Variants in PACRG observed in about 807,000 individuals in gnomAD.
PACRG encodes the protein parkin coregulated gene protein.
A neutral mutation model predicts 29.7 loss-of-function variants in PACRG; 29 were observed. That is an observed-to-expected ratio of 0.98 (90% CI 0.73 to 1.33). The LOEUF is 1.33. Among genes scored for constraint, PACRG ranks in the 40% most tolerant of loss-of-function variants. The pLI is 0.00. For missense variants in PACRG, 279 were observed against 316.2 expected (o/e 0.88, Z 0.89); for synonymous variants, 116 against 118.7 (o/e 0.98, Z 0.15).
intron 4 of PACRG, among the ~76,000 whole-genome samples, chr6:163,297,756 C>T (rs1035056489): frequency 2.6e-5 from 4 of 152,276 alleles, no homozygotes; most frequent in South Asian, 2.1e-4. Context: ...TAAACCTGAG[C>T]GCTGCACCCA....
intron 4 of PACRG, among the ~76,000 whole-genome samples, chr6:163,285,621 C>A (rs1784372666): frequency 6.6e-6 from 1 of 152,152 alleles, no homozygotes. Flanking sequence ...ATGGCCCAGC[C>A]CAGAGAGCTG....
intron 4 of PACRG, among the ~76,000 whole-genome samples, chr6:163,106,591 A>G (rs1815394262): frequency 6.6e-6 from 1 of 152,222 alleles, no homozygotes; most frequent in African/African-American, 2.4e-5. Context: ...TAAATGTATA[A>G]CATGAGCAAT....
upstream of PACRG, chr6:162,727,687 G>GGCTGCGGGCCAGGAACAGGCC (rs1405938610): frequency 6.4e-7 from 1 of 1,572,608 alleles, no homozygotes; most frequent in Non-Finnish European, 8.6e-7. Flanking sequence ...GGTAGGTGGC[G>GGCTGCGGGCCAGGAACAGGCC]GCTGCGGGCC....
At chr6:162,727,670 G>C, upstream of PACRG, 1 of 1,582,846 alleles carries the variant, frequency 6.3e-7, no homozygotes, top group South Asian at 1.2e-5. Flanking sequence ...ACCTATCATG[G>C]TCACTGGGTA....
Position 163,118,509 on chromosome 6 carries a change from T to C in PACRG, c.613+29101T>C, listed in dbSNP as rs539054757. On this transcript the variant is annotated intron_variant, in intron 4 of 4. Transcript: ENST00000366888. ...CTGCATGGCTAATGTATTTTATTTA[T>C]AGATCCCCGTTTCTGGGTCCTTTAA... 4.6e-5 allele frequency among the ~76,000 whole-genome samples: 7 copies of C among 152,368 alleles called. No individual in the cohort carries two copies. The East Asian group carries it at 1.3e-3, about 29-fold the overall frequency.
At position 163,130,499 on chromosome 6, in the gene PACRG, G is replaced by A. The variant is rs186753087; in HGVS notation, c.613+41091G>A. Among the ~76,000 whole-genome samples the A allele has an allele frequency of 1.6e-4, 25 of 151,764 alleles. No homozygotes were observed. The East Asian group carries it at 1.9e-3, about 12-fold the overall frequency. On this transcript the variant is annotated intron_variant, in intron 4 of 4. Transcript: ENST00000366888. ...GAATGTGTGTCACCTTTAACTTCAG[G>A]TACATGAACAAGCTCTTAGCCAGTC...
intron 1 of PACRG, among the ~76,000 whole-genome samples, chr6:162,773,429 C>G (rs992584962): frequency 1.4e-5 from 2 of 140,734 alleles, no homozygotes; most frequent in African/African-American, 5.4e-5. Flanking sequence ...TAGATAATTT[C>G]TGGTTAGTAT....
intron 2 of PACRG, among the ~76,000 whole-genome samples, chr6:162,821,084 C>A (rs961841518): frequency 6.6e-6 from 1 of 152,102 alleles, no homozygotes; most frequent in Non-Finnish European, 1.5e-5. Flanking sequence ...TTAGAAATAA[C>A]TTTTATTTAA....
chr6:162,906,416 A>G (rs1390407345), intron 2 of PACRG, among the ~76,000 whole-genome samples: 2 of 152,220 alleles, frequency 1.3e-5, no homozygotes, highest in Non-Finnish European at 2.9e-5. Flanking sequence ...CTTGGTAAAA[A>G]CTAAATAATC....
intron 4 of PACRG, among the ~76,000 whole-genome samples, chr6:163,296,197 C>G (rs2128188574): frequency 6.6e-6 from 1 of 152,148 alleles, no homozygotes; most frequent in Admixed American, 6.5e-5. Flanking sequence ...AATAGTAGAA[C>G]TAATTAAAAA....
chr6:163,119,851 G>C (rs1409640274), intron 4 of PACRG, among the ~76,000 whole-genome samples: 1 of 151,978 alleles, frequency 6.6e-6, no homozygotes, highest in Non-Finnish European at 1.5e-5. Flanking sequence ...TGTTGTTGTT[G>C]GTTTGTTTTA....
At chr6:163,285,839 A>G (rs568617041) in intron 4 of PACRG, among the ~76,000 whole-genome samples, 1 of 152,308 alleles carries the variant, frequency 6.6e-6, no homozygotes, top group African/African-American at 2.4e-5. Flanking sequence ...CAGTAGGTGC[A>G]CCATCCGCCT....
chr6:163,111,208 A>C (rs1815695035), intron 4 of PACRG, among the ~76,000 whole-genome samples: 1 of 152,108 alleles, frequency 6.6e-6, no homozygotes, highest in South Asian at 2.1e-4. Flanking sequence ...CTTCCCTCCC[A>C]CACTGTAGTT....
At chr6:162,797,657 T>A (rs962063460) in intron 1 of PACRG, among the ~76,000 whole-genome samples, 1 of 152,202 alleles carries the variant, frequency 6.6e-6, no homozygotes, top group Non-Finnish European at 1.5e-5. Context: ...TTTGTTTTTT[T>A]CTCATTGTTT....
At chr6:163,011,713 A>G (rs937094033) in intron 2 of PACRG, among the ~76,000 whole-genome samples, 1 of 152,254 alleles carries the variant, frequency 6.6e-6, no homozygotes, top group African/African-American at 2.4e-5. Flanking sequence ...TAGTAAAAAC[A>G]GCTTAAAACA....
At chr6:163,210,200 T>C (rs1781078861) in intron 4 of PACRG, among the ~76,000 whole-genome samples, 1 of 152,232 alleles carries the variant, frequency 6.6e-6, no homozygotes, top group Non-Finnish European at 1.5e-5. Context: ...AAGGACAGAA[T>C]AATGTACTAA....
At position 163,062,239 on chromosome 6, in the gene PACRG, T is replaced by C; in HGVS notation, c.381T>C (p.Ala127=). The change falls in exon 3 of 5, where the codon GCT becomes GCC. Residue 127 remains alanine (A), a synonymous_variant. Transcript: ENST00000366888. ...TGACATTTCCCTATGAGTTTTTTGC[T>C]CGGCAAGGAATCCACGACATGCTGG... ...CEMTFPYEFF[A]RQGIHDMLEH... The C allele has an allele frequency of 6.2e-7, 1 of 1,614,172 alleles. No individual in the cohort carries two copies.
At chr6:162,896,096 A>T (rs1481056197) in intron 2 of PACRG, among the ~76,000 whole-genome samples, 1 of 152,238 alleles carries the variant, frequency 6.6e-6, no homozygotes, top group Non-Finnish European at 1.5e-5. Context: ...AGCCGAAAGG[A>T]TCACTGATTG....
At chr6:163,295,133 A>G (rs1784741015) in intron 4 of PACRG, among the ~76,000 whole-genome samples, 1 of 152,216 alleles carries the variant, frequency 6.6e-6, no homozygotes, top group Non-Finnish European at 1.5e-5. Flanking sequence ...CATGAAATTG[A>G]CATTTTTTAG....
Sources: allele counts gnomAD v4.1 joint callset (sites outside exome capture counted in the v4.1 genomes callset), GRCh38; gene constraint gnomAD v4.1.1; transcripts MANE v1.5; gene names NCBI Gene and HGNC (gene_info 2026-07-23, HGNC 2026-07-21).